Variants in CDKAL1 observed in about 807,000 individuals in gnomAD.
The protein encoded by CDKAL1 is threonylcarbamoyladenosine tRNA methylthiotransferase.
A neutral mutation model predicts 68.2 loss-of-function variants in CDKAL1; 32 were observed. The observed-to-expected ratio is 0.47, with a 90% CI of 0.35 to 0.63. CDKAL1 has a LOEUF of 0.63. Among genes scored for constraint, CDKAL1 ranks in the 30% least tolerant of loss-of-function variants. The pLI is 0.00. For missense variants in CDKAL1, 606 were observed against 696.7 expected (o/e 0.87, Z 1.47); for synonymous variants, 234 against 244.3 (o/e 0.96, Z 0.39).
intron 14 of CDKAL1, among the ~76,000 whole-genome samples, chr6:21,200,648 G>A (rs1778650409): frequency 1.3e-5 from 2 of 152,206 alleles, no homozygotes; most frequent in African/African-American, 4.8e-5. Context: ...TCAAAGGCCT[G>A]TCCAGAAGTG....
chr6:21,065,975 G>A (rs1396015576), intron 12 of CDKAL1, among the ~76,000 whole-genome samples: 1 of 150,750 alleles, frequency 6.6e-6, no homozygotes, highest in Non-Finnish European at 1.5e-5. Flanking sequence ...AAGTAATTGC[G>A]GTTTTTGCCT....
rs2179550 is a variant in CDKAL1 at position 20,536,517 on chromosome 6, C to A, written c.-6+1123C>A. On this transcript the variant is annotated intron_variant, in intron 2 of 15. Coordinates refer to ENST00000274695, the MANE Select transcript of CDKAL1 (RefSeq NM_017774.3). ...TTGAAAAAAAAACTACGCTTTCCCC[C>A]TTGAATTGTCTAGGTTATGTATATT... Among the ~76,000 whole-genome samples, 881 of 151,954 alleles carry A rather than the reference C, an allele frequency of 5.8e-3. 11 individuals are homozygous for A. Among genetic ancestry groups the A allele is most frequent in the South Asian group, 0.02 (95 of 4,814 alleles).
Position 20,573,931 on chromosome 6 carries a change from CA to C in CDKAL1, c.286+25230del, listed in dbSNP as rs368493236. Among the ~76,000 whole-genome samples the C allele has an allele frequency of 6.5e-4, 99 of 152,218 alleles. 1 individual carries two copies. The highest frequency in any genetic ancestry group is 2.3e-3 in the African/African-American group (94 of 41,528). On this transcript the variant is annotated intron_variant, in intron 4 of 15. Coordinates refer to ENST00000274695, the MANE Select transcript of CDKAL1 (RefSeq NM_017774.3). ...GTTGTCCTGTGTGATGGCTGGCTAG[CA>C]AAATCAAACATCTGCATTTTGACTG...
intron 9 of CDKAL1, among the ~76,000 whole-genome samples, chr6:20,953,729 A>G (rs1211070841): frequency 6.6e-6 from 1 of 152,238 alleles, no homozygotes; most frequent in Non-Finnish European, 1.5e-5. Context: ...CTCTAAAAAT[A>G]GCCTATGGAC....
chr6:21,195,336 T>C (rs1422388791), intron 13 of CDKAL1, among the ~76,000 whole-genome samples: 2 of 152,030 alleles, frequency 1.3e-5, no homozygotes, highest in Non-Finnish European at 2.9e-5. Flanking sequence ...CTAACTTTTG[T>C]ATTTTTAGTA....
At chr6:20,879,060 C>T (rs918594823) in intron 9 of CDKAL1, among the ~76,000 whole-genome samples, 1 of 150,524 alleles carries the variant, frequency 6.6e-6, no homozygotes, top group Non-Finnish European at 1.5e-5. Context: ...GCCTGGGTGA[C>T]AGAGCAAGAT....
Position 20,987,640 on chromosome 6 carries a change from C to T in CDKAL1, c.910-12587C>T, listed in dbSNP as rs576355205. On this transcript the variant is annotated intron_variant, in intron 10 of 15. Transcript: ENST00000274695. ...CTTGCAACAGTTAACTTCTTCTTCC[C>T]GTGTTTTACCTTCATAATTGATAGG... is the stretch of plus-strand genomic sequence containing the variant. Among the ~76,000 whole-genome samples, 12 of 152,200 alleles carry T rather than the reference C, an allele frequency of 7.9e-5. No individual in the cohort carries two copies. The South Asian group carries it at 8.3e-4, about 11-fold the overall frequency.
At chr6:20,543,341 T>C (rs1402342073) in intron 2 of CDKAL1, among the ~76,000 whole-genome samples, 2 of 152,240 alleles carry the variant, frequency 1.3e-5, no homozygotes, top group African/African-American at 2.4e-5. Context: ...GGTTTCACTG[T>C]TGTCTGTTTT....
chr6:20,943,776 T>C (rs1764103868), intron 9 of CDKAL1, among the ~76,000 whole-genome samples: 1 of 151,754 alleles, frequency 6.6e-6, no homozygotes, highest in Admixed American at 6.6e-5. Flanking sequence ...TCCTATTGAT[T>C]GATATTTTTT....
intron 5 of CDKAL1, among the ~76,000 whole-genome samples, chr6:20,707,317 C>T (rs548741515): frequency 6.6e-6 from 1 of 152,144 alleles, no homozygotes; most frequent in Admixed American, 6.5e-5. Context: ...TCCAGTAGCA[C>T]AGAATGATGA....
chr6:21,093,920 CAG>C (rs1773189589), intron 12 of CDKAL1, among the ~76,000 whole-genome samples: 3 of 123,272 alleles, frequency 2.4e-5, no homozygotes, highest in Non-Finnish European at 4.9e-5. Context: ...TTTGTAGAGA[CAG>C]GGTCTTACTA....
chr6:21,000,473 G>A, intron 11 of CDKAL1, 101 bp downstream of exon 11: 1 of 1,028,024 alleles, frequency 9.7e-7, no homozygotes, highest in Non-Finnish European at 1.4e-6. Flanking sequence ...AGGTACAAGA[G>A]AGAAGGCGAG....
chr6:20,640,621 G>T (rs1456872301), intron 4 of CDKAL1, among the ~76,000 whole-genome samples: 1 of 152,174 alleles, frequency 6.6e-6, no homozygotes, highest in East Asian at 1.9e-4. Flanking sequence ...CCGATTGTTA[G>T]TCTTAGAAAT....
intron 8 of CDKAL1, among the ~76,000 whole-genome samples, chr6:20,837,744 T>TATAATGATAATA: frequency 6.8e-6 from 1 of 148,006 alleles, no homozygotes; most frequent in East Asian, 2.0e-4. Flanking sequence ...CACTTCAGCA[T>TATAATGATAATA]ATAATAATAA....
chr6:20,858,482 T>G (rs1377263554), intron 9 of CDKAL1, among the ~76,000 whole-genome samples: 2 of 152,232 alleles, frequency 1.3e-5, no homozygotes, highest in Non-Finnish European at 2.9e-5. Context: ...GTGAAAATAA[T>G]TCTTCATTTT....
intron 4 of CDKAL1, among the ~76,000 whole-genome samples, chr6:20,625,023 T>C (rs920626509): frequency 6.6e-6 from 1 of 152,090 alleles, no homozygotes; most frequent in African/African-American, 2.4e-5. Context: ...TTTCCCAGAA[T>C]ACCTAGCACA....
chr6:21,127,109 A>C (rs1775053274), intron 13 of CDKAL1, among the ~76,000 whole-genome samples: 1 of 152,328 alleles, frequency 6.6e-6, no homozygotes, highest in Admixed American at 6.5e-5. Flanking sequence ...GAATTGGGCC[A>C]GGGTGTTAAT....
chr6:21,102,654 G>C (rs1773639209), intron 12 of CDKAL1, among the ~76,000 whole-genome samples: 1 of 152,086 alleles, frequency 6.6e-6, no homozygotes, highest in Admixed American at 6.5e-5. Context: ...CTGAGTGTCT[G>C]TTTCTGTCGT....
chr6:20,985,188 T>A (rs987306390), intron 10 of CDKAL1, among the ~76,000 whole-genome samples: 1 of 152,234 alleles, frequency 6.6e-6, no homozygotes, highest in Non-Finnish European at 1.5e-5. Flanking sequence ...AACAGGGTAT[T>A]TAGCTTGAAC....
Sources: gnomAD v4.1 joint callset for allele counts (sites outside exome capture counted in the v4.1 genomes callset) on GRCh38, gnomAD v4.1.1 for gene constraint, MANE v1.5 for transcripts, NCBI Gene and HGNC (gene_info 2026-07-23, HGNC 2026-07-21) for gene names.